Variants in PCNX2 observed in about 807,000 individuals in gnomAD.
PCNX2 encodes the protein pecanex 2.
Under a neutral mutation model 223.8 loss-of-function variants are expected in PCNX2, and 168 were observed. The ratio of observed to expected loss-of-function variants is 0.75; its 90% CI spans 0.66 to 0.85. PCNX2 has a LOEUF of 0.85. Ranked by LOEUF, PCNX2 falls within the 40% of genes least tolerant of loss-of-function variation. PCNX2 has a pLI of 0.00. For synonymous variants in PCNX2, 1,006 were observed against 1,052.6 expected, an observed-to-expected ratio of 0.96 and a Z score of 0.86; for missense variants, 2,507 against 2,675.5, an observed-to-expected ratio of 0.94 and a Z score of 1.39.
intron 17 of PCNX2, among the ~76,000 whole-genome samples, chr1:233,163,401 C>A (rs1001886082): frequency 8.6e-5 from 13 of 151,866 alleles, no homozygotes; most frequent in Non-Finnish European, 4.4e-5. Context: ...GCAGGAGAAT[C>A]GCAGAACCCA....
Position 232,999,296 on chromosome 1 carries a change from G to A in PCNX2, c.5412C>T (p.Gly1804=), listed in dbSNP as rs755002025. The A allele has an allele frequency of 1.7e-5, 27 of 1,610,950 alleles. No homozygotes were observed. The highest frequency in any genetic ancestry group is 8.8e-5 in the South Asian group (8 of 90,456). The change falls in exon 31 of 34, where the codon GGC becomes GGT. Residue 1804 remains glycine, a synonymous_variant. Coordinates refer to ENST00000258229, the MANE Select transcript of PCNX2 (RefSeq NM_014801.4). ...IFLRNRNPER[G]SIQNNKQVLR... is the part of the protein sequence containing the mutation. ...GGACCTGCTTATTGTTCTGGATACT[G>A]CCGCGCTCCGGATTGCGGTTGCGAA...
chr1:233,281,765 G>A (rs1472710828), intron 1 of PCNX2, among the ~76,000 whole-genome samples: 1 of 152,170 alleles, frequency 6.6e-6, no homozygotes, highest in Non-Finnish European at 1.5e-5. Context: ...ACCTTGTGGT[G>A]AGTCTACTGA....
At chr1:233,145,037 T>C (rs1677360061) in intron 19 of PCNX2, among the ~76,000 whole-genome samples, 1 of 150,806 alleles carries the variant, frequency 6.6e-6, no homozygotes, top group African/African-American at 2.4e-5. Flanking sequence ...CAATCTCGGC[T>C]CACTGCAAGC....
rs984716711 is a variant in PCNX2, at chr1:233,288,772, C to G, written c.153+6554G>C. ...ATCTGGAGGGACTGAGTCTGTAGTT[C>G]TTTTGGAGGCCCAGGACCCAGGAAA... is the stretch of plus-strand genomic sequence containing the variant. On this transcript the variant is annotated intron_variant, in intron 1 of 33. Transcript: ENST00000258229. 1.6e-5 allele frequency: 10 copies of G among 623,202 alleles called. No individual in the cohort carries two copies. In the African/African-American group the frequency reaches 1.9e-4, roughly 12 times the overall value. 38.6% of individuals were successfully genotyped at this position (623,202 alleles called of 1,614,324 possible). A position where few individuals can be genotyped will look rare whatever the true frequency, so the allele number is the denominator to read the frequency against.
At chr1:233,254,461 C>T (rs1286457390) in intron 5 of PCNX2, among the ~76,000 whole-genome samples, 4 of 152,134 alleles carry the variant, frequency 2.6e-5, no homozygotes, top group African/African-American at 9.7e-5. Flanking sequence ...TCTTAGACTC[C>T]TTTTCTCTTA....
intron 15 of PCNX2, among the ~76,000 whole-genome samples, chr1:233,193,590 A>C (rs571071803): frequency 5.3e-5 from 8 of 152,348 alleles, no homozygotes; most frequent in African/African-American, 1.9e-4. Context: ...GAAATCCACA[A>C]GTGTCCTGCT....
At chr1:233,097,505 G>A (rs1376344699) in intron 21 of PCNX2, among the ~76,000 whole-genome samples, 2 of 152,106 alleles carry the variant, frequency 1.3e-5, no homozygotes, top group South Asian at 2.1e-4. Flanking sequence ...ATCAACCATA[G>A]AGGATTGATC....
chr1:232,995,916 G>A (rs1445989338), intron 32 of PCNX2, among the ~76,000 whole-genome samples: 5 of 152,106 alleles, frequency 3.3e-5, no homozygotes, highest in Admixed American at 3.3e-4. Context: ...GGAGTGCTGT[G>A]GCGTGATCTC....
rs1669356457 is a variant in PCNX2 at position 232,983,970 on chromosome 1, A to AT, written c.*333dup. On this transcript the variant is annotated 3_prime_UTR_variant, in exon 34 of 34. Transcript: ENST00000258229. ...TAGTGAATGGCTTTTGAGATTTCAG[A>AT]TTCTGGAACATGTGTGGTGCTGTCC... 1 of 207,768 alleles carries AT rather than the reference A, an allele frequency of 4.8e-6. No homozygotes were observed. Among genetic ancestry groups the AT allele is most frequent in the African/African-American group, 2.3e-5 (1 of 43,606 alleles). The allele number at this position is 207,768 out of a possible 1,614,324, so 12.9% of individuals were successfully genotyped here. A position where few individuals can be genotyped will look rare whatever the true frequency, so the allele number is the denominator to read the frequency against.
In PCNX2 at chr1:233,199,035, A is replaced by G; in HGVS notation, c.2975-5T>C. On this transcript the variant is annotated splice_region_variant and splice_polypyrimidine_tract_variant and intron_variant, in intron 14 of 33. Transcript: ENST00000258229. ...CCGAGGTTATCCCAGACACAGCTGG[A>G]ACACAAACATCAACAGTTCTTTTCT... is the stretch of plus-strand genomic sequence containing the variant. The G allele has an allele frequency of 1.9e-6, 3 of 1,570,036 alleles. No individual in the cohort carries two copies. Among genetic ancestry groups the G allele is most frequent in the Admixed American group, 1.9e-5 (1 of 53,116 alleles).
intron 23 of PCNX2, chr1:233,065,438 T>C (rs1444341976): frequency 6.6e-6 from 1 of 152,214 alleles, no homozygotes; most frequent in Non-Finnish European, 1.5e-5. Context: ...ATAAGAACAA[T>C]GAATACATGC....
intron 23 of PCNX2, among the ~76,000 whole-genome samples, chr1:233,082,820 C>T (rs566068771): frequency 6.6e-6 from 1 of 152,136 alleles, no homozygotes; most frequent in South Asian, 2.1e-4. Context: ...CCTGATCAAG[C>T]CAGGTATTTG....
Position 233,001,718 on chromosome 1 carries a change from C to T in PCNX2, c.4953-37G>A. 1 of 1,484,630 alleles carries T rather than the reference C, an allele frequency of 6.7e-7. No individual in the cohort carries two copies. The highest frequency in any genetic ancestry group is 2.4e-5 in the East Asian group (1 of 41,934). 92.0% of individuals were successfully genotyped at this position (1,484,630 alleles called of 1,614,324 possible). On this transcript the variant is annotated intron_variant, in intron 28 of 33. Transcript: ENST00000258229. This position sits in a 1 kb window ranked among gnomAD's most constrained non-coding sequence, Gnocchi z 4.2. ...AGTCCTATTACTATGGAACAAATTT[C>T]AGAATCCTGTCATTGTGAGCAAAGT...
intron 19 of PCNX2, among the ~76,000 whole-genome samples, chr1:233,145,999 G>A (rs1447259594): frequency 6.6e-6 from 1 of 152,078 alleles, no homozygotes; most frequent in Non-Finnish European, 1.5e-5. Flanking sequence ...TTTGAGCACT[G>A]ACATGACACC....
intron 23 of PCNX2, 42 bp downstream of exon 23, chr1:233,090,019 A>C: frequency 1.2e-6 from 2 of 1,611,816 alleles, no homozygotes; most frequent in Non-Finnish European, 8.5e-7. Flanking sequence ...TCTGAAGTGC[A>C]AACTGGAGAA....
At chr1:233,132,412 A>G (rs1676557811) in intron 21 of PCNX2, among the ~76,000 whole-genome samples, 1 of 152,152 alleles carries the variant, frequency 6.6e-6, no homozygotes, top group Non-Finnish European at 1.5e-5. Flanking sequence ...ACTTCGAGCC[A>G]CATATTTTTG....
intron 22 of PCNX2, among the ~76,000 whole-genome samples, chr1:233,091,729 C>T (rs1286966534): frequency 1.2e-5 from 1 of 81,888 alleles, no homozygotes. Context: ...TGAGACCCTC[C>T]CTCAAAAAAA....
intron 15 of PCNX2, among the ~76,000 whole-genome samples, chr1:233,183,998 C>T (rs1439102431): frequency 2.0e-5 from 3 of 152,218 alleles, no homozygotes; most frequent in African/African-American, 7.2e-5. Flanking sequence ...TATTTCATTT[C>T]ATACTTGACC....
rs556097345 is a variant in PCNX2 at position 233,259,270 on chromosome 1, G to A, written c.592C>T (p.Pro198Ser). The A allele has an allele frequency of 4.3e-6, 7 of 1,613,816 alleles. No homozygotes were observed. The highest frequency in any genetic ancestry group is 5.9e-6 in the Non-Finnish European group (7 of 1,179,882). ...TSPGIKVESL[P>S]ASQAHMLETT... Reference sequence around the variant, plus strand: ...TCCAGCATGTGTGCTTGAGACGCAGGTAAGCTTTCCACTTTGATACCAGGT... The same window carrying A: ...TCCAGCATGTGTGCTTGAGACGCAGATAAGCTTTCCACTTTGATACCAGGT... The change falls in exon 5 of 34, where the codon CCT (proline) becomes TCT (serine). Residue 198 changes from proline to serine, a missense_variant. Transcript: ENST00000258229.
Sources: gnomAD v4.1 joint callset for allele counts (sites outside exome capture counted in the v4.1 genomes callset) on GRCh38, gnomAD v4.1.1 for gene constraint, Gnocchi (gnomAD v3.1) non-coding constraint, MANE v1.5 for transcripts, NCBI Gene and HGNC (gene_info 2026-07-23, HGNC 2026-07-21) for gene names.